The following FGFR1 variants were observed in gnomAD, a reference collection of about 807,000 sequenced individuals.
FGFR1 encodes the protein FGFR1/PLAG1 fusion.
FGFR1 carries 18 observed loss-of-function variants against 93.7 expected under a neutral mutation model. The observed-to-expected ratio is 0.19, with a 90% CI of 0.13 to 0.28. The LOEUF is 0.28. FGFR1 is among the 10% of genes least tolerant of loss of function. FGFR1 has a pLI of 1.00. For missense variants in FGFR1, 731 were observed against 1,080.4 expected (o/e 0.68, Z 4.53); for synonymous variants, 448 against 429.3 (o/e 1.04, Z -0.54).
intron 8 of FGFR1, among the ~76,000 whole-genome samples, chr8:38,421,018 G>A (rs1818575344): frequency 6.6e-6 from 1 of 152,202 alleles, no homozygotes; most frequent in Non-Finnish European, 1.5e-5. Context: ...TGACGGGCAA[G>A]CAGGGCAGAG....
chr8:38,421,486 G>A (rs184569990), intron 8 of FGFR1, among the ~76,000 whole-genome samples: 16 of 152,304 alleles, frequency 1.1e-4, no homozygotes, highest in South Asian at 4.1e-4. Context: ...ACCCAAGGAC[G>A]GAAGGAGCCT....
intron 2 of FGFR1, among the ~76,000 whole-genome samples, chr8:38,451,648 C>G (rs377158653): frequency 4.6e-5 from 7 of 152,172 alleles, no homozygotes; most frequent in African/African-American, 9.7e-5. Context: ...AACCTCTCCC[C>G]CCTCTAACAA....
intron 1 of FGFR1, chr8:38,461,053 A>G: frequency 1.3e-6 from 2 of 1,535,634 alleles, no homozygotes; most frequent in Middle Eastern, 1.7e-4. Context: ...GAGAGGGGGC[A>G]CATCTCAGTT....
chr8:38,463,730 T>C (rs558431240), intron 1 of FGFR1, among the ~76,000 whole-genome samples: 2 of 152,212 alleles, frequency 1.3e-5, no homozygotes, highest in African/African-American at 4.8e-5. Flanking sequence ...CAAACTCTAG[T>C]CCAAAGAACC....
intron 8 of FGFR1, chr8:38,421,569 A>G (rs1818781661): frequency 1.7e-6 from 1 of 601,244 alleles, no homozygotes; most frequent in Non-Finnish European, 3.0e-6. Context: ...GGGAGAGCAG[A>G]GGCAGGTGTA....
At chr8:38,418,015 C>T (rs2150660209) in intron 10 of FGFR1, 24 bp from the exon 11 acceptor site, 2 of 1,614,074 alleles carry the variant, frequency 1.2e-6, no homozygotes, top group Non-Finnish European at 1.7e-6. Flanking sequence ...CAGAGAGTGG[C>T]ATAAGTTGGG....
chr8:38,417,894 T>C lies in FGFR1; in HGVS notation c.1528A>G (p.Lys510Glu). The change falls in exon 11 of 18, where the codon AAA becomes GAA. Residue 510 changes from lysine (K) to glutamate (E), a missense_variant. Lys to Glu is a moderately conservative substitution (Grantham distance 56, BLOSUM62 1). Coordinates refer to ENST00000447712, the MANE Select transcript of FGFR1 (RefSeq NM_023110.3). ...LDKDKPNRVTKVAVKMLKSDA... is the reference protein window; with the variant it reads ...LDKDKPNRVTEVAVKMLKSDA... ...CACTTCAACATCTTCACAGCCACTT[T>C]GGTCACACGGTTGGGTTTGTCCTTG... 1 of 1,614,234 alleles carries C rather than the reference T, an allele frequency of 6.2e-7. No individual in the cohort carries two copies. The highest frequency in any genetic ancestry group is 8.5e-7 in the Non-Finnish European group (1 of 1,180,044).
In FGFR1 at chr8:38,457,503, C is replaced by CA; in HGVS notation, c.-58dup. On this transcript the variant is annotated 5_prime_UTR_variant, in exon 2 of 18. Coordinates refer to ENST00000447712, the MANE Select transcript of FGFR1 (RefSeq NM_023110.3). Reference sequence around the variant, plus strand: ...GCTCCACATCTCCATGGATACTCCACAGTGAGCTCGATCCTCCTTTTCAAA... The same window carrying CA: ...GCTCCACATCTCCATGGATACTCCACAAGTGAGCTCGATCCTCCTTTTCAAA... 1 of 1,609,594 alleles carries CA rather than the reference C, an allele frequency of 6.2e-7. No individual in the cohort carries two copies. Among genetic ancestry groups the CA allele is most frequent in the Middle Eastern group, 1.7e-4 (1 of 6,058 alleles).
In FGFR1 at chr8:38,460,464, A is replaced by T. The variant is rs527480929; in HGVS notation, c.-88-2930T>A. On this transcript the variant is annotated intron_variant, in intron 1 of 17. Coordinates refer to ENST00000447712, the MANE Select transcript of FGFR1 (RefSeq NM_023110.3). ...TGGGAAAGAGTGGTGTCATGTTGAG[A>T]TGGTTAAGCTTGCTTCGACTTGGCC... Among the ~76,000 whole-genome samples, 12 of 152,178 alleles carry T rather than the reference A, an allele frequency of 7.9e-5. No individual in the cohort carries two copies. In the South Asian group the frequency reaches 2.5e-3, roughly 32 times the overall value.
In FGFR1 at chr8:38,419,560, C is replaced by T. The variant is rs754309963; in HGVS notation, c.1257G>A (p.Lys419=). 1 of 1,614,160 alleles carries T rather than the reference C, an allele frequency of 6.2e-7. No individual in the cohort carries two copies. The highest frequency in any genetic ancestry group is 1.3e-5 in the African/African-American group (1 of 75,040). The change falls in exon 9 of 18, where the codon AAG becomes AAA. Residue 419 remains lysine, a synonymous_variant. Transcript: ENST00000447712. The part of the protein sequence containing the change: ...HSQMAVHKLA[K]SIPLRRQVTV... ...TTACCTGTCTGCGCAGAGGGATGCT[C>T]TTGGCCAGCTTGTGCACAGCCATCT... is the stretch of plus-strand genomic sequence containing the variant.
In FGFR1 at chr8:38,430,013, G is replaced by A. The variant is rs1482901452; in HGVS notation, c.92-65C>T. ...GAGAGAGGAAGACAGGGAGAGGGGA[G>A]GAGGGGAGAGACAAAGGGAATTACG... On this transcript the variant is annotated intron_variant, in intron 2 of 17. Transcript: ENST00000447712. The A allele has an allele frequency of 8.1e-6, 12 of 1,489,388 alleles. No homozygotes were observed. The Middle Eastern group carries it at 1.1e-3, about 139-fold the overall frequency. The allele number at this position is 1,489,388 out of a possible 1,614,324, so 92.3% of individuals were successfully genotyped here. A position where few individuals can be genotyped will look rare whatever the true frequency, so the allele number is the denominator to read the frequency against.
chr8:38,415,822 C>G (rs1816339897), intron 13 of FGFR1, 48 bp downstream of exon 13: 1 of 1,575,010 alleles, frequency 6.3e-7, no homozygotes, highest in Non-Finnish European at 8.7e-7. Flanking sequence ...ACTAGGGGGG[C>G]TCTGTTCCCA....
Position 38,454,076 on chromosome 8 carries a change from T to C in FGFR1, c.91+3280A>G, listed in dbSNP as rs561838034. ...TCAGTCTTCCTGGGTACATGGCTCC[T>C]AAGAGCCCCATCCACCTCTCTTACT... On this transcript the variant is annotated intron_variant, in intron 2 of 17. Transcript: ENST00000447712. Among the ~76,000 whole-genome samples, 3 of 152,288 alleles carry C rather than the reference T, an allele frequency of 2.0e-5. No homozygotes were observed. The South Asian group carries it at 6.2e-4, about 32-fold the overall frequency.
chr8:38,455,095 C>T (rs370823052), intron 2 of FGFR1, among the ~76,000 whole-genome samples: 4 of 151,750 alleles, frequency 2.6e-5, no homozygotes, highest in African/African-American at 9.7e-5. Flanking sequence ...CCCACCTCAG[C>T]CTCCCTAATA....
At chr8:38,422,215 C>T in intron 7 of FGFR1, 1 of 504,582 alleles carries the variant, frequency 2.0e-6, no homozygotes, top group Non-Finnish European at 3.6e-6. Flanking sequence ...CCCATCCGAG[C>T]ATGCGGGCGG....
In FGFR1 at chr8:38,413,763, GGGGGAGT is replaced by G. The variant is rs1422943758; in HGVS notation, c.2327_2333del (p.Tyr776SerfsTer60). 1 of 1,614,116 alleles carries G rather than the reference GGGGGAGT, an allele frequency of 6.2e-7. No homozygotes were observed. The highest frequency in any genetic ancestry group is 1.7e-5 in the Admixed American group (1 of 60,020). ...TAGAGCTCCGGGTGTCGGGAAAGCT[GGGGGAGT>G]ACTGGTCCAGGGGCATGGACAGGTC... On this transcript the variant is annotated frameshift_variant, in exon 18 of 18. Transcript: ENST00000447712. LOFTEE classifies it high-confidence loss of function. This position sits in a 1 kb window ranked among gnomAD's most constrained non-coding sequence, Gnocchi z 4.2.
intron 2 of FGFR1, among the ~76,000 whole-genome samples, chr8:38,452,133 T>C (rs936948324): frequency 2.0e-5 from 3 of 151,306 alleles, no homozygotes; most frequent in African/African-American, 7.3e-5. Flanking sequence ...CAGGAGCACT[T>C]GCAGACTGAG....
chr8:38,415,800 A>C, intron 13 of FGFR1, 70 bp downstream of exon 13: 1 of 1,473,996 alleles, frequency 6.8e-7, no homozygotes, highest in Non-Finnish European at 9.4e-7. Context: ...ATGATAAGTC[A>C]CAGGCTGGAA....
intron 2 of FGFR1, among the ~76,000 whole-genome samples, chr8:38,448,942 G>A (rs1830240211): frequency 1.3e-5 from 2 of 151,866 alleles, no homozygotes; most frequent in South Asian, 2.1e-4. Flanking sequence ...ATGACTAAGC[G>A]AGACTACATC....
Sources: allele counts gnomAD v4.1 joint callset (sites outside exome capture counted in the v4.1 genomes callset), GRCh38; gene constraint gnomAD v4.1.1; non-coding constraint Gnocchi (gnomAD v3.1); transcripts MANE v1.5; gene names NCBI Gene and HGNC (gene_info 2026-07-23, HGNC 2026-07-21).